Variants in PALM2AKAP2 observed in about 807,000 individuals in gnomAD.
The protein encoded by PALM2AKAP2 is PALM2-AKAP2 fusion protein.
A neutral mutation model predicts 71.5 loss-of-function variants in PALM2AKAP2; 37 were observed. The observed-to-expected ratio is 0.52, with a 90% confidence interval of 0.40 to 0.68. The LOEUF (loss-of-function observed/expected upper bound fraction) is 0.68, where lower values mean the gene tolerates loss of function less well. Among genes scored for constraint, PALM2AKAP2 ranks in the 30% least tolerant of loss-of-function variants. PALM2AKAP2 has a pLI of 0.00. For synonymous variants in PALM2AKAP2, 468 were observed against 478.8 expected, an observed-to-expected ratio of 0.98 and a Z score of 0.29; for missense variants, 1,224 against 1,191.8, an observed-to-expected ratio of 1.03 and a Z score of -0.40.
chr9:110,140,334 G>C (rs1212491465), intron 2 of PALM2AKAP2, among the ~76,000 whole-genome samples: 1 of 152,104 alleles, frequency 6.6e-6, no homozygotes, highest in Non-Finnish European at 1.5e-5. Context: ...TCAATTTCTG[G>C]CATCGCAAGA....
chr9:110,040,023 G>A (rs1833484160), intron 7 of PALM2AKAP2, among the ~76,000 whole-genome samples: 1 of 152,022 alleles, frequency 6.6e-6, no homozygotes, highest in Non-Finnish European at 1.5e-5. Context: ...AGAATACAAA[G>A]AAAGGAAGTA....
At chr9:109,830,192 T>A (rs1338331510) in intron 1 of PALM2AKAP2, among the ~76,000 whole-genome samples, 3 of 152,230 alleles carry the variant, frequency 2.0e-5, no homozygotes, top group Non-Finnish European at 4.4e-5. Context: ...GACAGTGTTG[T>A]TGGATACTTT....
intron 3 of PALM2AKAP2, 39 bp from the exon 11 acceptor site, chr9:110,168,360 T>C (rs1306963064): frequency 6.2e-7 from 1 of 1,600,464 alleles, no homozygotes; most frequent in Non-Finnish European, 8.5e-7. Context: ...ATAATTAACA[T>C]CCATGAACTC....
At chr9:110,058,145 A>C (rs1437254464) in intron 1 of PALM2AKAP2, among the ~76,000 whole-genome samples, 2 of 152,172 alleles carry the variant, frequency 1.3e-5, no homozygotes, top group Non-Finnish European at 2.9e-5. Flanking sequence ...TAGAATTCAC[A>C]TCCTGTAGAT....
chr9:109,928,876 A>G (rs1030481577), intron 5 of PALM2AKAP2, among the ~76,000 whole-genome samples: 7 of 152,088 alleles, frequency 4.6e-5, no homozygotes, highest in African/African-American at 1.7e-4. Context: ...CATGTTGGCC[A>G]TGCTGGTCTC....
At chr9:109,926,138 C>T (rs1339484328) in intron 5 of PALM2AKAP2, among the ~76,000 whole-genome samples, 1 of 152,274 alleles carries the variant, frequency 6.6e-6, no homozygotes, top group Middle Eastern at 3.4e-3. Context: ...GAATTGGCAT[C>T]AGTGTTTTCC....
Position 109,942,611 on chromosome 9 carries a change from G to A in PALM2AKAP2, c.496+10583G>A, listed in dbSNP as rs1313166514. On this transcript the variant is annotated intron_variant, in intron 6 of 9. Coordinates refer to the PALM2AKAP2 transcript ENST00000302798. The stretch of plus-strand genomic sequence containing the variant: ...GAAAGGGCACAAAACCTTTTTTTTT[G>A]TCTGTTTGGCAATTAACCATTCACT... 3 of 1,473,884 alleles carry A rather than the reference G, an allele frequency of 2.0e-6. No homozygotes were observed. The Admixed American group carries it at 7.2e-5, about 35-fold the overall frequency. 91.3% of individuals were successfully genotyped at this position (1,473,884 alleles called of 1,614,324 possible).
At chr9:109,736,227 T>C (rs546837822) in intron 1 of PALM2AKAP2, among the ~76,000 whole-genome samples, 1 of 152,344 alleles carries the variant, frequency 6.6e-6, no homozygotes, top group South Asian at 2.1e-4. Context: ...AAAAGTGAAT[T>C]ACTATAAATA....
At chr9:109,697,919 A>C (rs1456108525) in intron 1 of PALM2AKAP2, among the ~76,000 whole-genome samples, 1 of 152,144 alleles carries the variant, frequency 6.6e-6, no homozygotes, top group Non-Finnish European at 1.5e-5. Context: ...ATTATGATAG[A>C]TTTCCTGCCT....
At chr9:109,839,272 CAA>C (rs1828582542) in intron 1 of PALM2AKAP2, among the ~76,000 whole-genome samples, 1 of 152,128 alleles carries the variant, frequency 6.6e-6, no homozygotes, top group African/African-American at 2.4e-5. Context: ...TAAACAGAAC[CAA>C]AGACAAAAAC....
intron 1 of PALM2AKAP2, among the ~76,000 whole-genome samples, chr9:109,697,937 A>G (rs1827996381): frequency 6.6e-6 from 1 of 152,160 alleles, no homozygotes; most frequent in Non-Finnish European, 1.5e-5. Context: ...CCTCCTTCAT[A>G]CCTGTGGCCA....
intron 1 of PALM2AKAP2, among the ~76,000 whole-genome samples, chr9:109,656,862 A>T (rs1486169672): frequency 6.6e-6 from 1 of 152,210 alleles, no homozygotes; most frequent in African/African-American, 2.4e-5. Flanking sequence ...GATATTGATG[A>T]GGAGGATTCT....
intron 1 of PALM2AKAP2, among the ~76,000 whole-genome samples, chr9:110,100,875 G>A (rs1372971748): frequency 6.6e-6 from 1 of 152,184 alleles, no homozygotes; most frequent in Non-Finnish European, 1.5e-5. Flanking sequence ...ATTCTGGTCT[G>A]TGGATTCAGC....
chr9:110,101,944 C>A (rs1835010941), intron 1 of PALM2AKAP2, among the ~76,000 whole-genome samples: 1 of 152,236 alleles, frequency 6.6e-6, no homozygotes, highest in Admixed American at 6.5e-5. Flanking sequence ...AATGCGTCTA[C>A]CACCATGAGA....
At chr9:109,944,208 G>A (rs1415208784) in intron 6 of PALM2AKAP2, 3 of 152,070 alleles carry the variant, frequency 2.0e-5, no homozygotes, top group Non-Finnish European at 2.9e-5. Context: ...AGCATCAGTA[G>A]CAATTGATCT....
At chr9:109,907,019 C>T (rs1408114312) in intron 3 of PALM2AKAP2, among the ~76,000 whole-genome samples, 1 of 152,168 alleles carries the variant, frequency 6.6e-6, no homozygotes, top group African/African-American at 2.4e-5. Context: ...CATCAAAGCC[C>T]CTTTGTCCAT....
chr9:109,759,142 T>C (rs1829011552), intron 1 of PALM2AKAP2, among the ~76,000 whole-genome samples: 1 of 152,156 alleles, frequency 6.6e-6, no homozygotes, highest in Admixed American at 6.5e-5. Flanking sequence ...GTATTTTCTC[T>C]CCTGACCTGT....
chr9:110,074,048 A>G (rs1295756800), intron 1 of PALM2AKAP2, among the ~76,000 whole-genome samples: 1 of 152,240 alleles, frequency 6.6e-6, no homozygotes, highest in African/African-American at 2.4e-5. Context: ...AGTGTGCACC[A>G]TTTGATGAGA....
intron 7 of PALM2AKAP2, among the ~76,000 whole-genome samples, chr9:110,041,581 A>G (rs1476319276): frequency 1.3e-5 from 2 of 152,212 alleles, no homozygotes; most frequent in African/African-American, 4.8e-5. Flanking sequence ...GCGAGGATGC[A>G]GGGAAAGGAA....
Sources: gnomAD v4.1 joint callset for allele counts (sites outside exome capture counted in the v4.1 genomes callset) on GRCh38, gnomAD v4.1.1 for gene constraint, MANE v1.5 for transcripts, NCBI Gene and HGNC (gene_info 2026-07-23, HGNC 2026-07-21) for gene names.